The following NKAIN2 variants were observed in gnomAD, a reference collection of about 807,000 sequenced individuals.
NKAIN2 encodes sodium/potassium-transporting ATPase subunit beta-1-interacting protein 2.
Under a neutral mutation model 32.6 loss-of-function variants are expected in NKAIN2, and 14 were observed. That is an observed-to-expected ratio of 0.43 (90% CI 0.28 to 0.67). The LOEUF (loss-of-function observed/expected upper bound fraction) is 0.67. Ranked by LOEUF, NKAIN2 falls within the 30% of genes least tolerant of loss-of-function variation. NKAIN2 has a pLI of 0.17. For synonymous variants in NKAIN2, 80 were observed against 87.2 expected (o/e 0.92, Z 0.46); for missense variants, 198 against 258.3 (o/e 0.77, Z 1.60).
intron 1 of NKAIN2, among the ~76,000 whole-genome samples, chr6:124,059,046 C>T (rs984840372): frequency 1.3e-5 from 2 of 151,800 alleles, no homozygotes; most frequent in Admixed American, 6.6e-5. Flanking sequence ...TGATCACCCT[C>T]CATATATTAT....
intron 3 of NKAIN2, among the ~76,000 whole-genome samples, chr6:124,647,961 C>A (rs565405618): frequency 1.3e-5 from 2 of 152,218 alleles, no homozygotes; most frequent in East Asian, 3.9e-4. Context: ...AGAAATTATA[C>A]CAATACTTGT....
chr6:123,962,484 A>G (rs1472159041), intron 1 of NKAIN2, among the ~76,000 whole-genome samples: 1 of 152,152 alleles, frequency 6.6e-6, no homozygotes, highest in Admixed American at 6.5e-5. Flanking sequence ...TCAATTGCTG[A>G]TGCCTCTTTG....
chr6:123,927,161 AT>A lies in NKAIN2; in HGVS notation c.54+122910del, dbSNP rs199978990. 5.0e-3 allele frequency among the ~76,000 whole-genome samples: 759 copies of A among 152,320 alleles called. 9 individuals carry two copies. The highest frequency in any genetic ancestry group is 0.016 in the African/African-American group (650 of 41,580). The stretch of plus-strand genomic sequence containing the variant: ...CATGGAGAAGATGACAGTGGGAGCA[AT>A]TTAAATCCCTTAGTAACTAAATGGG... On this transcript the variant is annotated intron_variant, in intron 1 of 6. Coordinates refer to ENST00000368417, the MANE Select transcript of NKAIN2 (RefSeq NM_001040214.3).
intron 5 of NKAIN2, among the ~76,000 whole-genome samples, chr6:124,805,236 AC>A (rs1008537417): frequency 1.5e-4 from 23 of 151,970 alleles, no homozygotes; most frequent in African/African-American, 5.6e-4. Flanking sequence ...ACTGGGAGGC[AC>A]CCCCCAGTAG....
rs149210906 is a variant in NKAIN2 at position 123,846,253 on chromosome 6, G to A, written c.54+41999G>A. Reference sequence around the variant, plus strand: ...GAAAGTTTGGGAAGCTGGCCTGAATGAATGGCTTTTCTTACTTATTTAGTT... The same window carrying A: ...GAAAGTTTGGGAAGCTGGCCTGAATAAATGGCTTTTCTTACTTATTTAGTT... On this transcript the variant is annotated intron_variant, in intron 1 of 6. Coordinates refer to ENST00000368417, the MANE Select transcript of NKAIN2 (RefSeq NM_001040214.3). Among the ~76,000 whole-genome samples, 947 of 152,238 alleles carry A rather than the reference G, an allele frequency of 6.2e-3. 8 individuals carry two copies. Among genetic ancestry groups the A allele is most frequent in the African/African-American group, 0.021 (880 of 41,550 alleles).
chr6:124,416,210 G>T (rs907227751), intron 3 of NKAIN2, among the ~76,000 whole-genome samples: 2 of 152,178 alleles, frequency 1.3e-5, no homozygotes, highest in Admixed American at 1.3e-4. Context: ...GAGTAGCCTG[G>T]ATTTTCTTTG....
intron 5 of NKAIN2, among the ~76,000 whole-genome samples, chr6:124,812,382 A>G (rs1298719545): frequency 6.6e-6 from 1 of 152,164 alleles, no homozygotes; most frequent in African/African-American, 2.4e-5. Context: ...TTTATTTGGT[A>G]AATACCTATT....
intron 3 of NKAIN2, among the ~76,000 whole-genome samples, chr6:124,496,094 A>G (rs2114735866): frequency 6.6e-6 from 1 of 152,204 alleles, no homozygotes; most frequent in East Asian, 1.9e-4. Flanking sequence ...TGCTATCTCA[A>G]TTTATTATAA....
intron 1 of NKAIN2, among the ~76,000 whole-genome samples, chr6:123,976,818 C>T (rs1778659713): frequency 6.6e-6 from 1 of 152,064 alleles, no homozygotes; most frequent in South Asian, 2.1e-4. Context: ...ATACAGTGTA[C>T]AAAATTGTGA....
intron 4 of NKAIN2, among the ~76,000 whole-genome samples, chr6:124,736,932 A>C (rs2114678623): frequency 6.6e-6 from 1 of 152,098 alleles, no homozygotes; most frequent in Non-Finnish European, 1.5e-5. Context: ...ATATTTTATG[A>C]CTTATAGATT....
chr6:124,723,054 G>C, intron 4 of NKAIN2, among the ~76,000 whole-genome samples: 1 of 152,132 alleles, frequency 6.6e-6, no homozygotes, highest in East Asian at 1.9e-4. Context: ...TGTTTTCAAT[G>C]ACTTTTGATA....
Position 124,075,549 on chromosome 6 carries a change from T to C in NKAIN2, c.55-207456T>C, listed in dbSNP as rs138911124. Among the ~76,000 whole-genome samples the C allele has an allele frequency of 1.1e-4, 17 of 152,332 alleles. No homozygotes were observed. In the East Asian group the frequency reaches 3.3e-3, roughly 29 times the overall value. Reference sequence around the variant, plus strand: ...CTGTGAATTCTAAGGCTCAATGATATGTCATACATTGCTTCTATAAAACTT... The same window carrying C: ...CTGTGAATTCTAAGGCTCAATGATACGTCATACATTGCTTCTATAAAACTT... On this transcript the variant is annotated intron_variant, in intron 1 of 6. Transcript: ENST00000368417.
intron 1 of NKAIN2, among the ~76,000 whole-genome samples, chr6:123,972,345 T>C (rs1778382585): frequency 1.3e-5 from 2 of 152,306 alleles, no homozygotes; most frequent in South Asian, 4.1e-4. Context: ...TCAAACTGGA[T>C]TTTTAGTATG....
intron 1 of NKAIN2, among the ~76,000 whole-genome samples, chr6:124,258,889 C>T (rs1523977): frequency 0.36 from 54,102 of 151,958 alleles, 12,113 homozygotes; most frequent in African/African-American, 0.63. Flanking sequence ...CATTAGGTTA[C>T]GTAGTTCCAA....
chr6:123,841,866 T>C (rs1774885955), intron 1 of NKAIN2, among the ~76,000 whole-genome samples: 1 of 152,194 alleles, frequency 6.6e-6, no homozygotes, highest in Non-Finnish European at 1.5e-5. Context: ...AGTTATTGTA[T>C]AACCTTGTCA....
At position 124,743,997 on chromosome 6, in the gene NKAIN2, T is replaced by G. The variant is rs140350690; in HGVS notation, c.475-47342T>G. Among the ~76,000 whole-genome samples the G allele has an allele frequency of 1.8e-4, 27 of 151,952 alleles. No individual in the cohort carries two copies. The East Asian group carries it at 4.9e-3, about 27-fold the overall frequency. On this transcript the variant is annotated intron_variant, in intron 4 of 6. Transcript: ENST00000368417. ...AATAAAAACTACCCAGTAGACAAAATAATTGTGATCAGTTATGTTTTCAAA... is the reference window on the plus strand; with the variant it reads ...AATAAAAACTACCCAGTAGACAAAAGAATTGTGATCAGTTATGTTTTCAAA...
chr6:124,647,812 G>A (rs1394456506), intron 3 of NKAIN2, among the ~76,000 whole-genome samples: 1 of 152,150 alleles, frequency 6.6e-6, no homozygotes, highest in African/African-American at 2.4e-5. Context: ...CAGTATAAAT[G>A]TGTCCATCCA....
chr6:124,330,979 A>G (rs1797626590), intron 2 of NKAIN2, among the ~76,000 whole-genome samples: 1 of 151,982 alleles, frequency 6.6e-6, no homozygotes, highest in Non-Finnish European at 1.5e-5. Flanking sequence ...CCATCCCCAC[A>G]CCCATCTGTC....
In NKAIN2 at chr6:124,620,117, T is replaced by G. The variant is rs1337655129; in HGVS notation, c.274-38069T>G. 4.6e-5 allele frequency among the ~76,000 whole-genome samples: 7 copies of G among 152,288 alleles called. No individual in the cohort carries two copies. In the East Asian group the frequency reaches 9.6e-4, roughly 21 times the overall value. ...GTAACTGACATAGAACAGAAACAGA[T>G]GCACAGTTCCATAGACCCAGATGAT... On this transcript the variant is annotated intron_variant, in intron 3 of 6. Transcript: ENST00000368417.
Sources: allele counts gnomAD v4.1 joint callset (sites outside exome capture counted in the v4.1 genomes callset), GRCh38; gene constraint gnomAD v4.1.1; transcripts MANE v1.5; gene names NCBI Gene and HGNC (gene_info 2026-07-23, HGNC 2026-07-21).